The following COL5A3 variants were observed in gnomAD, a reference collection of about 807,000 sequenced individuals.
COL5A3 encodes collagen type V alpha 3 chain.
A neutral mutation model predicts 250.0 loss-of-function variants in COL5A3; 172 were observed. The observed-to-expected ratio is 0.69, with a 90% CI of 0.61 to 0.78. COL5A3 has a LOEUF of 0.78. COL5A3 is among the 30% of genes least tolerant of loss of function. The probability of loss-of-function intolerance (pLI) is 0.00; values close to 1 mark genes in which losing one functional copy is unlikely to be tolerated. For missense variants in COL5A3, 2,340 were observed against 2,334.4 expected, an observed-to-expected ratio of 1.00 and a Z score of -0.05; for synonymous variants, 937 against 900.4, an observed-to-expected ratio of 1.04 and a Z score of -0.73.
rs754721556 is a variant in COL5A3 at position 10,006,128 on chromosome 19, T to C, written c.192A>G (p.Ala64=). 6.2e-7 allele frequency: 1 copy of C among 1,613,656 alleles called. No homozygotes were observed. The highest frequency in any genetic ancestry group is 1.1e-5 in the South Asian group (1 of 90,986). The change falls in exon 2 of 67, where the codon GCA becomes GCG. Residue 64 remains alanine, a synonymous_variant. Transcript: ENST00000264828. ...CPQRTPEGDR[A]FRIGQASTLG... is the part of the protein sequence containing the mutation. ...GCGTGCTGGCCTGGCCAATTCTGAA[T>C]GCCCGGTCACCCTCTGGAGTCCTCT...
At chr19:10,002,124 G>A (rs560334147) in intron 6 of COL5A3, among the ~76,000 whole-genome samples, 1 of 152,314 alleles carries the variant, frequency 6.6e-6, no homozygotes, top group Admixed American at 6.5e-5. Context: ...AGTGGTCAAG[G>A]TCAAGGTCCA....
rs1355674690 is a variant in COL5A3 at position 10,005,787 on chromosome 19, C to A, written c.437+9G>T. 1 of 1,607,330 alleles carries A rather than the reference C, an allele frequency of 6.2e-7. No individual in the cohort carries two copies. The highest frequency in any genetic ancestry group is 8.5e-7 in the Non-Finnish European group (1 of 1,175,752). On this transcript the variant is annotated intron_variant, in intron 3 of 66. Transcript: ENST00000264828. ...TCCACGGACCCCCGCCCACTCTCCC[C>A]ATGCTCACCTGCCATCTGTGAGGTT...
chr19:9,967,468 A>AACACACACAC, intron 61 of COL5A3, 68 bp from the exon 62 acceptor site: 3 of 998,062 alleles, frequency 3.0e-6, no homozygotes, highest in Admixed American at 3.1e-5. Flanking sequence ...CATACACACA[A>AACACACACAC]ACACACACAC....
intron 61 of COL5A3, chr19:9,967,635 G>A: frequency 1.8e-6 from 1 of 560,944 alleles, no homozygotes; most frequent in Admixed American, 3.7e-5. Flanking sequence ...TAATGTCTCT[G>A]AAATCAGCTT....
In COL5A3 at chr19:9,970,634, G is replaced by A; in HGVS notation, c.3924C>T (p.Pro1308=). 1.4e-6 allele frequency: 2 copies of A among 1,450,558 alleles called. No individual in the cohort carries two copies. Among genetic ancestry groups the A allele is most frequent in the East Asian group, 2.6e-5 (1 of 38,300 alleles). 89.9% of individuals were successfully genotyped at this position (1,450,558 alleles called of 1,614,324 possible). A position where few individuals can be genotyped will look rare whatever the true frequency, so the allele number is the denominator to read the frequency against. The change falls in exon 54 of 67, where the codon CCC becomes CCT. Residue 1308 remains proline, a synonymous_variant. Transcript: ENST00000264828. ...GCTTATCACTTACCCTCTTGCCGGG[G>A]GGCCCGGGGGCGCCGGGCTCCCCAG... ...GASGEPGAPG[P]PGKRGPSGHM...
Position 10,006,105 on chromosome 19 carries a change from G to A in COL5A3, c.215C>T (p.Thr72Met), listed in dbSNP as rs534254703. 1.5e-5 allele frequency: 24 copies of A among 1,614,050 alleles called. No homozygotes were observed. The highest frequency in any genetic ancestry group is 1.6e-4 in the Middle Eastern group (1 of 6,062). Residue 72 changes from threonine to methionine, a missense_variant, in exon 2 of 67, where the codon ACG becomes ATG. By Grantham distance (81) the Thr-to-Met change is moderately conservative. Around this residue, in one of 3 missense-constraint regions of COL5A3, gnomAD observed 1,152 missense variants for 1,146.3 expected, o/e 1.00. Transcript: ENST00000264828. ...GAGTTCCCACGTGGGGATGCCGAGC[G>A]TGCTGGCCTGGCCAATTCTGAATGC... ...DRAFRIGQAS[T>M]LGIPTWELFP...
At position 9,986,295 on chromosome 19, in the gene COL5A3, G is replaced by C. The variant is rs1379722096; in HGVS notation, c.2352+20C>G. 10 of 1,465,006 alleles carry C rather than the reference G, an allele frequency of 6.8e-6. No homozygotes were observed. Among genetic ancestry groups the C allele is most frequent in the South Asian group, 3.9e-5 (3 of 77,566 alleles). The allele number at this position is 1,465,006 out of a possible 1,614,324, so 90.8% of individuals were successfully genotyped here. ...GGGACACCTTGACTGTGGGAGGCTA[G>C]AGGGTGGAGAGTCATTTACCTTCTC... On this transcript the variant is annotated intron_variant, in intron 30 of 66. Coordinates refer to ENST00000264828, the MANE Select transcript of COL5A3 (RefSeq NM_015719.4).
In COL5A3 at chr19:10,009,971, A is replaced by G. The variant is rs1162517651; in HGVS notation, c.88+327T>C. ...TGTCACTCACAGTCACACTATCACC[A>G]TCAACCTCCACACGCAAGCACATAC... On this transcript the variant is annotated intron_variant, in intron 1 of 66. Transcript: ENST00000264828. This position sits in a 1 kb window ranked among gnomAD's most constrained non-coding sequence, Gnocchi z 4.4. Among the ~76,000 whole-genome samples, 1 of 152,008 alleles carries G rather than the reference A, an allele frequency of 6.6e-6. No homozygotes were observed. Among genetic ancestry groups the G allele is most frequent in the African/African-American group, 2.4e-5 (1 of 41,382 alleles).
At chr19:9,973,477 C>T in intron 50 of COL5A3, 93 bp downstream of exon 50, 1 of 1,302,910 alleles carries the variant, frequency 7.7e-7, no homozygotes, top group Non-Finnish European at 1.1e-6. Context: ...AGTGGATGAT[C>T]TTGCACTGTC....
At chr19:9,969,704 G>A (rs754399831) in intron 55 of COL5A3, 22 bp from the exon 56 acceptor site, 2 of 1,587,508 alleles carry the variant, frequency 1.3e-6, no homozygotes, top group Middle Eastern at 1.7e-4. Flanking sequence ...ACAGGCAAGG[G>A]AGGGGCCAGA....
chr19:9,973,589 G>T lies in COL5A3; in HGVS notation c.3647C>A (p.Pro1216Gln), dbSNP rs1221074029. The change falls in exon 50 of 67, where the codon CCA becomes CAA. Residue 1216 changes from proline to glutamine, a missense_variant. Physicochemically the swap from Pro to Gln is moderately conservative, Grantham distance 76. This residue lies in a region of COL5A3 where 1,179 missense variants were observed against 1,162.6 expected (regional missense o/e 1.01). Transcript: ENST00000264828. ...ACTCACCGGGATGCCTGGGGCTCCT[G>T]GAGGCCCTGGGTCTCCAGCGTCCCC... ...ERGDAGDPGPPGAPGIPGPKG... is the reference protein window; with the variant it reads ...ERGDAGDPGPQGAPGIPGPKG... The T allele has an allele frequency of 6.2e-7, 1 of 1,612,612 alleles. No homozygotes were observed. The highest frequency in any genetic ancestry group is 8.5e-7 in the Non-Finnish European group (1 of 1,179,320).
At chr19:10,008,737 G>A (rs78828063) in intron 1 of COL5A3, among the ~76,000 whole-genome samples, 1,850 of 152,318 alleles carry the variant, frequency 0.012, 14 homozygotes, top group Non-Finnish European at 0.02. Context: ...GGAGGGATTA[G>A]ATACACTTGC....
rs1358024832 is a variant in COL5A3 at position 9,986,439 on chromosome 19, A to G, written c.2245-17T>C. The stretch of plus-strand genomic sequence containing the variant: ...GGGTTTCCCCTGGAAGAAAAAGGAG[A>G]GTATTTAATATCCATCTTTTGTCCT... On this transcript the variant is annotated splice_polypyrimidine_tract_variant and intron_variant, in intron 29 of 66. Coordinates refer to ENST00000264828, the MANE Select transcript of COL5A3 (RefSeq NM_015719.4). The G allele has an allele frequency of 2.5e-6, 4 of 1,611,140 alleles. No individual in the cohort carries two copies. The Admixed American group carries it at 6.7e-5, about 27-fold the overall frequency.
At chr19:9,977,131 T>C (rs2086932867) in intron 44 of COL5A3, 98 bp downstream of exon 44, 1 of 1,214,870 alleles carries the variant, frequency 8.2e-7, no homozygotes, top group African/African-American at 1.5e-5. Context: ...GAAAACTCCA[T>C]GGCCTCTCCT....
Position 9,986,767 on chromosome 19 carries a change from T to TGAA in COL5A3, c.2146-10_2146-9insTTC. 1 of 1,488,220 alleles carries TGAA rather than the reference T, an allele frequency of 6.7e-7. No individual in the cohort carries two copies. The highest frequency in any genetic ancestry group is 9.2e-7 in the Non-Finnish European group (1 of 1,081,966). The allele number at this position is 1,488,220 out of a possible 1,614,324, so 92.2% of individuals were successfully genotyped here. A position where few individuals can be genotyped will look rare whatever the true frequency, so the allele number is the denominator to read the frequency against. On this transcript the variant is annotated splice_polypyrimidine_tract_variant and intron_variant, in intron 27 of 66. Coordinates refer to ENST00000264828, the MANE Select transcript of COL5A3 (RefSeq NM_015719.4). ...CGGTTGCCTGAAGTGCCCTGGAAAA[T>TGAA]AAAAAAAAAAAGCTCTCAAGCCTCT... is the stretch of plus-strand genomic sequence containing the variant.
At chr19:9,964,437 TAAG>T (rs2086710472) in intron 64 of COL5A3, among the ~76,000 whole-genome samples, 1 of 151,908 alleles carries the variant, frequency 6.6e-6, no homozygotes, top group Non-Finnish European at 1.5e-5. Context: ...CTCATCTCTA[TAAG>T]AAATTTAAAA....
Position 9,978,937 on chromosome 19 carries a change from G to T in COL5A3, c.2918C>A (p.Ala973Asp). 2 of 1,529,206 alleles carry T rather than the reference G, an allele frequency of 1.3e-6. No homozygotes were observed. The highest frequency in any genetic ancestry group is 1.8e-6 in the Non-Finnish European group (2 of 1,141,424). 94.7% of individuals were successfully genotyped at this position (1,529,206 alleles called of 1,614,324 possible). A position where few individuals can be genotyped will look rare whatever the true frequency, so the allele number is the denominator to read the frequency against. ...GGGGCCGGGAAAGCCCCTGAGTCCA[G>T]CTGGCCCTTCTTTCCCAAGGGGTCC... ...PPGPLGKEGP[A>D]GLRGFPGPKG... Residue 973 changes from alanine (A) to aspartate (D), a missense_variant, in exon 40 of 67, where the codon GCT (alanine) becomes GAT (aspartate). Transcript: ENST00000264828.
chr19:10,010,281 C>A lies in COL5A3; in HGVS notation c.88+17G>T. Reference sequence around the variant, plus strand: ...GAGTCGTGGACCCTGGGTCCCATCTCTTCCCTCCCGGCTCACCGGCCTGCG... The same window carrying A: ...GAGTCGTGGACCCTGGGTCCCATCTATTCCCTCCCGGCTCACCGGCCTGCG... On this transcript the variant is annotated intron_variant, in intron 1 of 66. Coordinates refer to ENST00000264828, the MANE Select transcript of COL5A3 (RefSeq NM_015719.4). 1 of 1,425,960 alleles carries A rather than the reference C, an allele frequency of 7.0e-7. No homozygotes were observed. The highest frequency in any genetic ancestry group is 1.5e-5 in the South Asian group (1 of 65,016). The allele number at this position is 1,425,960 out of a possible 1,614,324, so 88.3% of individuals were successfully genotyped here.
At chr19:9,987,735 C>T (rs929445666) in intron 27 of COL5A3, among the ~76,000 whole-genome samples, 1 of 151,796 alleles carries the variant, frequency 6.6e-6, no homozygotes, top group Non-Finnish European at 1.5e-5. Context: ...GCGTGGGTAA[C>T]AGAGTGAGAC....
Sources: allele counts gnomAD v4.1 joint callset (sites outside exome capture counted in the v4.1 genomes callset), GRCh38; gene constraint gnomAD v4.1.1; regional missense constraint gnomAD v4.1.1; non-coding constraint Gnocchi (gnomAD v3.1); transcripts MANE v1.5; gene names NCBI Gene and HGNC (gene_info 2026-07-23, HGNC 2026-07-21).